The following NFIB variants were observed in gnomAD, a reference collection of about 807,000 sequenced individuals.
NFIB encodes the protein nuclear factor 1 B-type.
A neutral mutation model predicts 61.5 loss-of-function variants in NFIB; 11 were observed. That is an observed-to-expected ratio of 0.18 (90% CI 0.11 to 0.30). NFIB has a LOEUF of 0.30. NFIB is among the 10% of genes least tolerant of loss of function. The pLI is 1.00. For missense variants in NFIB, 471 were observed against 608.9 expected, an observed-to-expected ratio of 0.77 and a Z score of 2.38; for synonymous variants, 260 against 216.5, an observed-to-expected ratio of 1.20 and a Z score of -1.76.
chr9:14,444,253 T>C, the NFIB span, among the ~76,000 whole-genome samples: 2 of 152,206 alleles, frequency 1.3e-5, no homozygotes, highest in African/African-American at 4.8e-5. Flanking sequence ...ATATAGATGA[T>C]GTTAAAACCA....
intron 2 of NFIB, among the ~76,000 whole-genome samples, chr9:14,218,819 G>C (rs544057731): frequency 6.6e-6 from 1 of 152,232 alleles, no homozygotes; most frequent in East Asian, 1.9e-4. Flanking sequence ...GTTAAGTCCA[G>C]GTAATTTCAG....
the NFIB span, among the ~76,000 whole-genome samples, chr9:14,501,813 T>A: frequency 6.6e-6 from 1 of 152,146 alleles, no homozygotes; most frequent in East Asian, 1.9e-4. Flanking sequence ...TTTACCTTCC[T>A]CCTTCCTTCT....
chr9:14,348,820 C>T (rs1001083413), intron 1 of NFIB, among the ~76,000 whole-genome samples: 2 of 152,336 alleles, frequency 1.3e-5, no homozygotes, highest in East Asian at 3.9e-4. Context: ...TGCTGGGCCC[C>T]TGGCTGCGGA....
intron 10 of NFIB, among the ~76,000 whole-genome samples, chr9:14,088,685 G>T (rs61586244): frequency 6.6e-6 from 1 of 152,044 alleles, no homozygotes; most frequent in African/African-American, 2.4e-5. Flanking sequence ...AAAAAGAAAA[G>T]CAGCAATCTG....
At chr9:14,268,488 C>T (rs2132302960) in intron 2 of NFIB, among the ~76,000 whole-genome samples, 1 of 152,320 alleles carries the variant, frequency 6.6e-6, no homozygotes, top group East Asian at 1.9e-4. Context: ...TCCCCATCCC[C>T]AATGACTTAC....
At chr9:14,343,075 G>C (rs1286804241) in intron 1 of NFIB, among the ~76,000 whole-genome samples, 1 of 152,062 alleles carries the variant, frequency 6.6e-6, no homozygotes, top group Non-Finnish European at 1.5e-5. Flanking sequence ...TGGGTGGCGA[G>C]GGGATGCCAC....
chr9:14,388,240 G>C (rs918114421), intron 1 of NFIB, among the ~76,000 whole-genome samples: 2 of 152,092 alleles, frequency 1.3e-5, no homozygotes, highest in Admixed American at 1.3e-4. Context: ...AGGTGTGGTG[G>C]TATGCACCTG....
At chr9:14,522,787 T>G in the NFIB span, among the ~76,000 whole-genome samples, 4 of 152,178 alleles carry the variant, frequency 2.6e-5, no homozygotes, top group African/African-American at 4.8e-5. Flanking sequence ...AGATTAGCTG[T>G]CAGCATCAGC....
chr9:14,169,347 T>A (rs2045303340), intron 3 of NFIB, among the ~76,000 whole-genome samples: 1 of 152,084 alleles, frequency 6.6e-6, no homozygotes, highest in South Asian at 2.1e-4. Flanking sequence ...ATATGTCTAG[T>A]GGAATCAGGA....
intron 2 of NFIB, among the ~76,000 whole-genome samples, chr9:14,281,027 A>T (rs2132431937): frequency 6.6e-6 from 1 of 152,320 alleles, no homozygotes; most frequent in East Asian, 1.9e-4. Flanking sequence ...GTGAGCCAAA[A>T]TGGGATATTA....
intron 6 of NFIB, among the ~76,000 whole-genome samples, chr9:14,139,411 T>C (rs747368249): frequency 2.0e-5 from 3 of 152,190 alleles, no homozygotes; most frequent in Non-Finnish European, 2.9e-5. Context: ...TGTAAAAAGA[T>C]TTGAAATAAA....
chr9:14,454,802 T>C, the NFIB span, among the ~76,000 whole-genome samples: 1 of 152,172 alleles, frequency 6.6e-6, no homozygotes, highest in Non-Finnish European at 1.5e-5. Context: ...CTTTGACCAA[T>C]AAAATATAAG....
rs1239747804 is a variant in NFIB at position 14,083,969 on chromosome 9, CAG to C, written c.*4338_*4339del. 14 of 219,702 alleles carry C rather than the reference CAG, an allele frequency of 6.4e-5. No homozygotes were observed. The Middle Eastern group carries it at 5.6e-3, about 87-fold the overall frequency. 13.6% of individuals were successfully genotyped at this position (219,702 alleles called of 1,614,324 possible). A position where few individuals can be genotyped will look rare whatever the true frequency, so the allele number is the denominator to read the frequency against. ...AAGGCCGTATATACTAATAAAAAGA[CAG>C]TGGTGCTTCGACATTCTGAAATGCT... On this transcript the variant is annotated 3_prime_UTR_variant, in exon 11 of 11. Coordinates refer to ENST00000380953, the MANE Select transcript of NFIB (RefSeq NM_001190737.2).
intron 2 of NFIB, among the ~76,000 whole-genome samples, chr9:14,277,917 C>T: frequency 6.6e-6 from 1 of 152,078 alleles, no homozygotes; most frequent in Non-Finnish European, 1.5e-5. Flanking sequence ...CTTGAAATTA[C>T]CATGCACAAC....
chr9:14,166,857 T>C (rs888991878), intron 3 of NFIB, among the ~76,000 whole-genome samples: 1 of 152,186 alleles, frequency 6.6e-6, no homozygotes, highest in African/African-American at 2.4e-5. Context: ...ATGAAAGCAA[T>C]TTAGTTTTTC....
intron 6 of NFIB, among the ~76,000 whole-genome samples, chr9:14,133,141 T>C (rs1329234703): frequency 6.6e-6 from 1 of 152,164 alleles, no homozygotes; most frequent in Admixed American, 6.5e-5. Flanking sequence ...TTCAAAGTTC[T>C]TCATTTTTTG....
chr9:14,202,762 G>A (rs576927403), intron 2 of NFIB, among the ~76,000 whole-genome samples: 2 of 152,214 alleles, frequency 1.3e-5, no homozygotes, highest in African/African-American at 4.8e-5. Context: ...AGATATCATG[G>A]ATTGTGATGT....
intron 2 of NFIB, among the ~76,000 whole-genome samples, chr9:14,290,424 C>T (rs901609658): frequency 2.0e-5 from 3 of 152,054 alleles, no homozygotes; most frequent in East Asian, 1.9e-4. Context: ...ACGGCAGGTG[C>T]GGCGGTAAGC....
intron 1 of NFIB, among the ~76,000 whole-genome samples, chr9:14,365,698 C>T (rs557534809): frequency 6.6e-6 from 1 of 152,204 alleles, no homozygotes; most frequent in Non-Finnish European, 1.5e-5. Context: ...ATTCATCCAA[C>T]AAACATATGC....
Sources: allele counts gnomAD v4.1 joint callset (sites outside exome capture counted in the v4.1 genomes callset), GRCh38; gene constraint gnomAD v4.1.1; transcripts MANE v1.5; gene names NCBI Gene and HGNC (gene_info 2026-07-23, HGNC 2026-07-21).